The following KIAA1328 variants were observed in gnomAD, a reference collection of about 807,000 sequenced individuals.
The protein encoded by KIAA1328 is KIAA1328.
KIAA1328 carries 52 observed loss-of-function variants against 68.1 expected under a neutral mutation model. The observed-to-expected ratio is 0.76, with a 90% confidence interval of 0.61 to 0.96. KIAA1328 has a LOEUF of 0.96. KIAA1328 is among the 40% of genes least tolerant of loss of function. The pLI, the probability that KIAA1328 is intolerant of heterozygous loss-of-function variation, is 0.00. For missense variants in KIAA1328, 641 were observed against 677.6 expected, an observed-to-expected ratio of 0.95 and a Z score of 0.60; for synonymous variants, 232 against 239.4, an observed-to-expected ratio of 0.97 and a Z score of 0.28.
intron 6 of KIAA1328, among the ~76,000 whole-genome samples, chr18:37,012,450 A>C (rs2054010152): frequency 6.6e-6 from 1 of 152,200 alleles, no homozygotes; most frequent in Non-Finnish European, 1.5e-5. Flanking sequence ...GTGGTAACAA[A>C]AAGGAAACCT....
intron 7 of KIAA1328, among the ~76,000 whole-genome samples, chr18:37,129,389 G>A (rs2058468876): frequency 6.6e-6 from 1 of 152,164 alleles, no homozygotes; most frequent in South Asian, 2.1e-4. Context: ...TTTATGGAAT[G>A]CAACCTACTG....
At chr18:37,021,518 C>G (rs1053505748) in intron 6 of KIAA1328, among the ~76,000 whole-genome samples, 1 of 152,158 alleles carries the variant, frequency 6.6e-6, no homozygotes, top group African/African-American at 2.4e-5. Flanking sequence ...AATTCTGACT[C>G]TCAATATGGC....
chr18:37,194,218 T>C (rs911908558), intron 9 of KIAA1328, among the ~76,000 whole-genome samples: 3 of 152,222 alleles, frequency 2.0e-5, no homozygotes, highest in East Asian at 3.8e-4. Flanking sequence ...GTACAACTCA[T>C]GTATCATCTA....
intron 7 of KIAA1328, among the ~76,000 whole-genome samples, chr18:37,117,328 T>C (rs1197250097): frequency 6.6e-6 from 1 of 152,084 alleles, no homozygotes; most frequent in Non-Finnish European, 1.5e-5. Context: ...AAAGGATGAG[T>C]TCATGTCATT....
At chr18:37,062,604 T>C (rs1287335126) in intron 6 of KIAA1328, among the ~76,000 whole-genome samples, 1 of 151,948 alleles carries the variant, frequency 6.6e-6, no homozygotes, top group Non-Finnish European at 1.5e-5. Flanking sequence ...TGCAGGCGCT[T>C]GCCACCACGC....
At chr18:37,209,858 G>A (rs1208245269) in intron 9 of KIAA1328, among the ~76,000 whole-genome samples, 3 of 152,174 alleles carry the variant, frequency 2.0e-5, no homozygotes, top group Non-Finnish European at 2.9e-5. Flanking sequence ...GAACTCAGGG[G>A]CAAGGTTGAT....
At chr18:37,160,532 A>G (rs2059256321) in intron 8 of KIAA1328, among the ~76,000 whole-genome samples, 151 bp downstream of exon 8, 1 of 152,244 alleles carries the variant, frequency 6.6e-6, no homozygotes, top group Non-Finnish European at 1.5e-5. Context: ...TAACACATTT[A>G]CTAGATTAGT....
intron 5 of KIAA1328, among the ~76,000 whole-genome samples, chr18:36,958,434 A>T (rs1286159240): frequency 6.6e-6 from 1 of 152,186 alleles, no homozygotes; most frequent in African/African-American, 2.4e-5. Flanking sequence ...TTATTTTCCA[A>T]AGTGGCAGCA....
intron 6 of KIAA1328, among the ~76,000 whole-genome samples, chr18:37,037,244 G>A (rs1391299073): frequency 6.6e-6 from 1 of 152,142 alleles, no homozygotes; most frequent in Non-Finnish European, 1.5e-5. Context: ...ATGAGATAAA[G>A]TTGGAGGGTG....
intron 5 of KIAA1328, among the ~76,000 whole-genome samples, chr18:36,946,914 G>A (rs900081374): frequency 2.6e-5 from 4 of 152,104 alleles, no homozygotes; most frequent in Non-Finnish European, 5.9e-5. Flanking sequence ...TGATAGCACT[G>A]GAAGATGAAA....
intron 6 of KIAA1328, among the ~76,000 whole-genome samples, chr18:37,065,816 G>A (rs1354499566): frequency 6.6e-6 from 1 of 152,152 alleles, no homozygotes; most frequent in Non-Finnish European, 1.5e-5. Context: ...TGGACAACGT[G>A]GAATCTAGAT....
intron 7 of KIAA1328, among the ~76,000 whole-genome samples, chr18:37,150,741 G>A (rs893076914): frequency 6.6e-6 from 1 of 151,938 alleles, no homozygotes; most frequent in Admixed American, 6.6e-5. Flanking sequence ...CCTTTTTAAA[G>A]ATTAAAGAAA....
Position 37,224,453 on chromosome 18 carries a change from C to T in KIAA1328, c.*2226C>T, listed in dbSNP as rs1191872053. Reference sequence around the variant, plus strand: ...ACCAATACATTTTTCACATGCAAAACTCATCACCAGTTGCCTTTTTCTAAC... The same window carrying T: ...ACCAATACATTTTTCACATGCAAAATTCATCACCAGTTGCCTTTTTCTAAC... On this transcript the variant is annotated 3_prime_UTR_variant, in exon 10 of 10. Coordinates refer to ENST00000280020, the MANE Select transcript of KIAA1328 (RefSeq NM_020776.3). 19 of 985,300 alleles carry T rather than the reference C, an allele frequency of 1.9e-5. No individual in the cohort carries two copies. Among genetic ancestry groups the T allele is most frequent in the Non-Finnish European group, 2.3e-5 (19 of 829,950 alleles). The allele number at this position is 985,300 out of a possible 1,614,324, so 61.0% of individuals were successfully genotyped here.
chr18:36,843,977 A>G (rs2046943799), intron 3 of KIAA1328, among the ~76,000 whole-genome samples: 1 of 152,076 alleles, frequency 6.6e-6, no homozygotes, highest in Non-Finnish European at 1.5e-5. Context: ...TAAGCAGGGG[A>G]TATCTGCTTT....
intron 4 of KIAA1328, among the ~76,000 whole-genome samples, 156 bp from the exon 5 acceptor site, chr18:36,885,401 A>T (rs2048462886): frequency 6.6e-6 from 1 of 152,208 alleles, no homozygotes; most frequent in Non-Finnish European, 1.5e-5. Flanking sequence ...CTTATGAGAG[A>T]TTAAGTTTTT....
At chr18:37,051,901 G>A (rs1234313353) in intron 6 of KIAA1328, among the ~76,000 whole-genome samples, 1 of 152,084 alleles carries the variant, frequency 6.6e-6, no homozygotes, top group Non-Finnish European at 1.5e-5. Flanking sequence ...AATTAGCCAG[G>A]CGTGGTGCTG....
chr18:36,839,152 T>G (rs1032761194), intron 3 of KIAA1328, among the ~76,000 whole-genome samples: 1 of 152,206 alleles, frequency 6.6e-6, no homozygotes, highest in African/African-American at 2.4e-5. Flanking sequence ...CTCCAGATAT[T>G]TTTGTTTCCC....
intron 7 of KIAA1328, among the ~76,000 whole-genome samples, chr18:37,146,061 T>G (rs957745899): frequency 2.6e-5 from 4 of 152,244 alleles, no homozygotes; most frequent in Non-Finnish European, 5.9e-5. Context: ...CTCCTTTTTT[T>G]GGGGAAATGG....
chr18:37,063,720 GA>G (rs1364647919), intron 6 of KIAA1328: 2 of 970,772 alleles, frequency 2.1e-6, no homozygotes. Context: ...AACATTAACT[GA>G]AAAAAATTTT....
Sources: gnomAD v4.1 joint callset for allele counts (sites outside exome capture counted in the v4.1 genomes callset) on GRCh38, gnomAD v4.1.1 for gene constraint, MANE v1.5 for transcripts, NCBI Gene and HGNC (gene_info 2026-07-23, HGNC 2026-07-21) for gene names.